Variants in RECK observed in about 807,000 individuals in gnomAD.
The protein encoded by RECK is reversion-inducing cysteine-rich protein with Kazal motifs.
A neutral mutation model predicts 115.1 loss-of-function variants in RECK; 69 were observed. The observed-to-expected ratio is 0.60, with a 90% CI of 0.49 to 0.73. RECK has a LOEUF of 0.73. Ranked by LOEUF, RECK falls within the 30% of genes least tolerant of loss-of-function variation. The pLI is 0.00. For missense variants in RECK, 1,047 were observed against 1,203.7 expected (o/e 0.87, Z 1.93); for synonymous variants, 414 against 419.7 (o/e 0.99, Z 0.17).
chr9:36,065,686 T>G (rs1031166505), intron 6 of RECK, 62 bp downstream of exon 6: 1 of 1,261,246 alleles, frequency 7.9e-7, no homozygotes, highest in African/African-American at 1.6e-5. Flanking sequence ...TTAACAAAAT[T>G]ACTTAAATTT....
intron 1 of RECK, among the ~76,000 whole-genome samples, chr9:36,047,680 CA>C (rs1821117954): frequency 1.3e-5 from 2 of 152,018 alleles, no homozygotes; most frequent in South Asian, 4.1e-4. Context: ...AGCCTTACTA[CA>C]ATCAAGGCAC....
At chr9:36,061,297 T>C (rs1821751682) in intron 4 of RECK, among the ~76,000 whole-genome samples, 1 of 151,960 alleles carries the variant, frequency 6.6e-6, no homozygotes, top group South Asian at 2.1e-4. Flanking sequence ...GTTTAAAGTT[T>C]GTATTTCAAA....
Position 36,037,011 on chromosome 9 carries a change from CG to C in RECK, c.16del (p.Ala6ProfsTer58). ...GCCCGGCCCGGACATGGCGACCGTC[CG>C]GGCCTCTCTGCGAGGTGCGCTGCTC... MATV[R>X]ASLRGALLLL... is the part of the protein sequence containing the mutation. On this transcript the variant is annotated frameshift_variant, in exon 1 of 21. Coordinates refer to ENST00000377966, the MANE Select transcript of RECK (RefSeq NM_021111.3). LOFTEE classifies it high-confidence loss of function. The C allele has an allele frequency of 7.0e-7, 1 of 1,434,074 alleles. No homozygotes were observed. The highest frequency in any genetic ancestry group is 1.4e-5 in the South Asian group (1 of 71,698). The allele number at this position is 1,434,074 out of a possible 1,614,324, so 88.8% of individuals were successfully genotyped here.
rs748808508 is a variant in RECK, at chr9:36,118,879, C to A, written c.2376C>A (p.Val792=). 1 of 1,614,000 alleles carries A rather than the reference C, an allele frequency of 6.2e-7. No homozygotes were observed. Among genetic ancestry groups the A allele is most frequent in the Admixed American group, 1.7e-5 (1 of 60,022 alleles). Residue 792 remains valine (V), a synonymous_variant, in exon 18 of 21, where the codon GTC becomes GTA. Transcript: ENST00000377966. ...DYYGDCQAVG[V]LSEHSSVAEC... ...ATGGGGACTGCCAGGCCGTCGGAGT[C>A]CTCTCAGAGCACAGCTCCGTCGCCG...
chr9:36,065,413 T>C (rs897689770), intron 5 of RECK, among the ~76,000 whole-genome samples, 164 bp from the exon 6 acceptor site: 1 of 152,126 alleles, frequency 6.6e-6, no homozygotes, highest in Non-Finnish European at 1.5e-5. Flanking sequence ...TGCATGAAAT[T>C]TGTTTGTTGT....
At chr9:36,090,978 C>A (rs1823134584) in intron 9 of RECK, among the ~76,000 whole-genome samples, 186 bp from the exon 10 acceptor site, 1 of 152,114 alleles carries the variant, frequency 6.6e-6, no homozygotes, top group Non-Finnish European at 1.5e-5. Context: ...ATAAAAGAAG[C>A]CTGTTTTCCA....
intron 6 of RECK, among the ~76,000 whole-genome samples, chr9:36,070,368 A>G (rs1024402874): frequency 2.0e-5 from 3 of 152,204 alleles, no homozygotes; most frequent in Admixed American, 6.5e-5. Flanking sequence ...TATCATGCCC[A>G]CAGTCAACCT....
At chr9:36,074,860 A>G (rs540280215) in intron 6 of RECK, among the ~76,000 whole-genome samples, 5 of 152,300 alleles carry the variant, frequency 3.3e-5, no homozygotes, top group African/African-American at 9.6e-5. Context: ...AACAGTAACA[A>G]TTTATTATTT....
chr9:36,100,555 T>G lies in RECK; in HGVS notation c.1298+12T>G, dbSNP rs1243303528. On this transcript the variant is annotated intron_variant, in intron 11 of 20. Coordinates refer to ENST00000377966, the MANE Select transcript of RECK (RefSeq NM_021111.3). Reference sequence around the variant, plus strand: ...AGTATTATTTGCAAGTAAGTTTCTTTCATCCTAACGATTCTCCAGCTTTAG... The same window carrying G: ...AGTATTATTTGCAAGTAAGTTTCTTGCATCCTAACGATTCTCCAGCTTTAG... 1 of 1,594,774 alleles carries G rather than the reference T, an allele frequency of 6.3e-7. No individual in the cohort carries two copies. The highest frequency in any genetic ancestry group is 8.6e-7 in the Non-Finnish European group (1 of 1,163,794).
intron 6 of RECK, among the ~76,000 whole-genome samples, chr9:36,072,494 T>C (rs1822270565): frequency 6.6e-6 from 1 of 152,136 alleles, no homozygotes; most frequent in African/African-American, 2.4e-5. Flanking sequence ...CCAGTCAGCT[T>C]TTAGGGATTT....
intron 2 of RECK, among the ~76,000 whole-genome samples, chr9:36,056,626 A>G (rs962278234): frequency 6.6e-6 from 1 of 152,218 alleles, no homozygotes; most frequent in African/African-American, 2.4e-5. Context: ...CCTATATGGT[A>G]GCCACTAGCC....
chr9:36,043,746 A>G (rs905529649), intron 1 of RECK, among the ~76,000 whole-genome samples: 3 of 152,128 alleles, frequency 2.0e-5, no homozygotes, highest in African/African-American at 7.2e-5. Context: ...CAGTTTGCCA[A>G]TTATCCCAGC....
At chr9:36,064,563 A>G (rs1821913207) in intron 5 of RECK, among the ~76,000 whole-genome samples, 1 of 152,164 alleles carries the variant, frequency 6.6e-6, no homozygotes, top group Non-Finnish European at 1.5e-5. Context: ...TTCTTCTTCT[A>G]GGGACTTATC....
intron 6 of RECK, among the ~76,000 whole-genome samples, chr9:36,073,241 G>GACACACACAGAC (rs1554705384): frequency 2.4e-4 from 16 of 67,562 alleles, no homozygotes; most frequent in African/African-American, 7.3e-4. Flanking sequence ...GACACACACA[G>GACACACACAGAC]ACACACACAC....
intron 2 of RECK, chr9:36,057,031 T>C (rs559459417): frequency 1.0e-6 from 1 of 984,756 alleles, no homozygotes; most frequent in African/African-American, 1.7e-5. Flanking sequence ...TGAAGGTCTG[T>C]CTGATATGTG....
At position 36,108,162 on chromosome 9, in the gene RECK, A is replaced by T. The variant is rs563274479; in HGVS notation, c.1763A>T (p.Lys588Ile). ...QKSCIVGGKR[K>I]SHGTSFSIDC... The stretch of plus-strand genomic sequence containing the variant: ...TCTTGTATTGTTGGAGGAAAAAGAA[A>T]AAGTGAGTCTTAAGCTCTGATTTTG... Residue 588 changes from lysine (K) to isoleucine (I), a missense_variant and splice_region_variant, in exon 14 of 21, where the codon AAA (lysine) becomes ATA (isoleucine). Lys to Ile is a moderately radical substitution (Grantham distance 102). Coordinates refer to ENST00000377966, the MANE Select transcript of RECK (RefSeq NM_021111.3). 32 of 1,582,584 alleles carry T rather than the reference A, an allele frequency of 2.0e-5. No individual in the cohort carries two copies. The South Asian group carries it at 3.3e-4, about 16-fold the overall frequency.
At position 36,105,177 on chromosome 9, in the gene RECK, G is replaced by A. The variant is rs1337258807; in HGVS notation, c.1470G>A (p.Val490=). The change falls in exon 13 of 21, where the codon GTG becomes GTA. Residue 490 remains valine (V), a synonymous_variant. Transcript: ENST00000377966. Reference sequence around the variant, plus strand: ...CTTTAGGTAACATTGTAGAAGAAGTGACTCATCCCTGTAACCCAAATCCTT... The same window carrying A: ...CTTTAGGTAACATTGTAGAAGAAGTAACTCATCCCTGTAACCCAAATCCTT... ...PSTLGNIVEE[V]THPCNPNPCP... The A allele has an allele frequency of 5.0e-6, 8 of 1,613,922 alleles. No homozygotes were observed. The highest frequency in any genetic ancestry group is 6.8e-6 in the Non-Finnish European group (8 of 1,179,984).
chr9:36,077,632 A>G (rs1312531586), intron 6 of RECK, among the ~76,000 whole-genome samples: 2 of 152,234 alleles, frequency 1.3e-5, no homozygotes, highest in African/African-American at 2.4e-5. Flanking sequence ...TAATTTTCAC[A>G]TGATGCTGCC....
intron 10 of RECK, among the ~76,000 whole-genome samples, chr9:36,099,028 C>T (rs1019589484): frequency 2.0e-5 from 3 of 152,074 alleles, no homozygotes; most frequent in African/African-American, 7.2e-5. Context: ...GAGTTTGAGA[C>T]CAGCCTGGGC....
Sources: gnomAD v4.1 joint callset for allele counts (sites outside exome capture counted in the v4.1 genomes callset) on GRCh38, gnomAD v4.1.1 for gene constraint, MANE v1.5 for transcripts, NCBI Gene and HGNC (gene_info 2026-07-23, HGNC 2026-07-21) for gene names.